The following MACROD2 variants were observed in gnomAD, a reference collection of about 807,000 sequenced individuals.
MACROD2 encodes ADP-ribose glycohydrolase MACROD2.
MACROD2 carries 36 observed loss-of-function variants against 70.4 expected under a neutral mutation model. The ratio of observed to expected loss-of-function variants is 0.51; its 90% CI spans 0.39 to 0.68. The LOEUF (loss-of-function observed/expected upper bound fraction) is 0.68, where lower values mean the gene tolerates loss of function less well. MACROD2 is among the 30% of genes least tolerant of loss of function. The probability of loss-of-function intolerance (pLI) is 0.00; values close to 1 mark genes in which losing one functional copy is unlikely to be tolerated. For missense variants in MACROD2, 496 were observed against 538.4 expected (o/e 0.92, Z 0.78); for synonymous variants, 172 against 178.8 (o/e 0.96, Z 0.30).
At chr20:14,678,333 T>G (rs1345130219) in intron 4 of MACROD2, among the ~76,000 whole-genome samples, 1 of 152,198 alleles carries the variant, frequency 6.6e-6, no homozygotes, top group Non-Finnish European at 1.5e-5. Flanking sequence ...TGGGAAGTAC[T>G]GTCTTGCTCA....
intron 7 of MACROD2, among the ~76,000 whole-genome samples, chr20:15,451,863 A>G (rs2046648345): frequency 6.6e-6 from 1 of 152,136 alleles, no homozygotes; most frequent in Admixed American, 6.5e-5. Flanking sequence ...CCCACCAGGT[A>G]TCTGAACAAT....
intron 5 of MACROD2, among the ~76,000 whole-genome samples, chr20:15,107,515 A>G (rs990771355): frequency 1.9e-4 from 29 of 152,144 alleles, no homozygotes; most frequent in African/African-American, 6.7e-4. Flanking sequence ...TTTCTTCAAC[A>G]AGTAACATAC....
At chr20:15,675,286 C>T (rs1326577262) in intron 8 of MACROD2, among the ~76,000 whole-genome samples, 1 of 152,162 alleles carries the variant, frequency 6.6e-6, no homozygotes, top group Non-Finnish European at 1.5e-5. Context: ...ATTACAAGTT[C>T]TGTCTAGCTT....
intron 6 of MACROD2, among the ~76,000 whole-genome samples, chr20:15,317,348 A>G (rs1228692955): frequency 6.6e-6 from 1 of 152,062 alleles, no homozygotes; most frequent in Non-Finnish European, 1.5e-5. Context: ...TCGAACTATT[A>G]CAGAACAGAG....
chr20:15,380,763 C>A (rs1004195264), intron 6 of MACROD2, among the ~76,000 whole-genome samples: 1 of 152,060 alleles, frequency 6.6e-6, no homozygotes, highest in Non-Finnish European at 1.5e-5. Flanking sequence ...TTAATAATTT[C>A]AACTTCAAAA....
At chr20:15,795,299 AT>A (rs965694568) in intron 8 of MACROD2, among the ~76,000 whole-genome samples, 1 of 152,048 alleles carries the variant, frequency 6.6e-6, no homozygotes, top group African/African-American at 2.4e-5. Flanking sequence ...ATCAAGATAC[AT>A]TTATGTTTCT....
intron 3 of MACROD2, among the ~76,000 whole-genome samples, chr20:14,148,031 A>G (rs2054965144): frequency 6.6e-6 from 1 of 152,194 alleles, no homozygotes; most frequent in Non-Finnish European, 1.5e-5. Context: ...AAGCAAATTC[A>G]CCAGATAAGA....
intron 5 of MACROD2, among the ~76,000 whole-genome samples, chr20:14,857,625 C>T (rs1051227530): frequency 1.3e-5 from 2 of 152,032 alleles, no homozygotes; most frequent in Admixed American, 1.3e-4. Context: ...GACTTAAAAG[C>T]CACGAAGTGA....
intron 8 of MACROD2, among the ~76,000 whole-genome samples, chr20:15,647,820 A>G (rs2049573306): frequency 6.6e-6 from 1 of 151,498 alleles, no homozygotes; most frequent in Admixed American, 6.6e-5. Context: ...CCCAGGTTCA[A>G]GTGATTCTCC....
chr20:15,212,815 T>G lies in MACROD2; in HGVS notation c.419-17125T>G, dbSNP rs188659400. ...AGACTGGTAGTTTTCAACCTGTGGT[T>G]CCTAGGCCAGCAGCATCAGCAGCAT... On this transcript the variant is annotated intron_variant, in intron 5 of 17. Transcript: ENST00000684519. Among the ~76,000 whole-genome samples, 256 of 152,308 alleles carry G rather than the reference T, an allele frequency of 1.7e-3. No homozygotes were observed. In the South Asian group the frequency reaches 0.017, roughly 10 times the overall value.
At chr20:14,183,656 A>G (rs768801766) in intron 3 of MACROD2, among the ~76,000 whole-genome samples, 4 of 152,282 alleles carry the variant, frequency 2.6e-5, no homozygotes, top group Non-Finnish European at 5.9e-5. Flanking sequence ...TAAATTATAC[A>G]GTGTATAAGC....
At chr20:14,411,417 T>G (rs1260280763) in intron 3 of MACROD2, among the ~76,000 whole-genome samples, 1 of 152,062 alleles carries the variant, frequency 6.6e-6, no homozygotes, top group Non-Finnish European at 1.5e-5. Context: ...CCTAAAGTTT[T>G]CTCTGGTTCT....
chr20:14,042,642 A>G (rs1056359591), intron 2 of MACROD2, among the ~76,000 whole-genome samples: 4 of 152,148 alleles, frequency 2.6e-5, no homozygotes, highest in African/African-American at 9.7e-5. Context: ...TGGGAATACA[A>G]GTACGTGCCA....
intron 8 of MACROD2, among the ~76,000 whole-genome samples, chr20:15,730,534 G>A (rs1051633597): frequency 6.6e-6 from 1 of 152,078 alleles, no homozygotes; most frequent in African/African-American, 2.4e-5. Flanking sequence ...CTGGCTTGTG[G>A]GGTTTCTGAT....
intron 3 of MACROD2, among the ~76,000 whole-genome samples, chr20:14,200,183 A>G (rs571414027): frequency 2.0e-5 from 3 of 152,326 alleles, no homozygotes; most frequent in Non-Finnish European, 4.4e-5. Flanking sequence ...TATACCATGG[A>G]ATACTATGCA....
chr20:15,873,009 A>G (rs757044180), intron 9 of MACROD2, among the ~76,000 whole-genome samples: 5 of 152,172 alleles, frequency 3.3e-5, no homozygotes, highest in Admixed American at 6.6e-5. Context: ...CTTAGGAATT[A>G]TTTCTGTAAA....
intron 5 of MACROD2, among the ~76,000 whole-genome samples, chr20:14,832,964 A>G (rs2072988524): frequency 6.6e-6 from 1 of 152,102 alleles, no homozygotes; most frequent in Non-Finnish European, 1.5e-5. Context: ...AAACCTGCCT[A>G]TCTAAGTAGC....
intron 13 of MACROD2, among the ~76,000 whole-genome samples, chr20:15,982,829 G>A (rs909496883): frequency 6.6e-6 from 1 of 152,180 alleles, no homozygotes; most frequent in African/African-American, 2.4e-5. Flanking sequence ...TTTATGTTTA[G>A]GTTTTGCCTA....
At chr20:14,500,973 A>G (rs1428977590) in intron 4 of MACROD2, among the ~76,000 whole-genome samples, 1 of 152,096 alleles carries the variant, frequency 6.6e-6, no homozygotes, top group South Asian at 2.1e-4. Flanking sequence ...ATGTTTATAT[A>G]GTTCGGTTTT....
Sources: gnomAD v4.1 joint callset for allele counts (sites outside exome capture counted in the v4.1 genomes callset) on GRCh38, gnomAD v4.1.1 for gene constraint, MANE v1.5 for transcripts, NCBI Gene and HGNC (gene_info 2026-07-23, HGNC 2026-07-21) for gene names.